SLCO6A1: variants seen among roughly 807,000 people sequenced by gnomAD.
SLCO6A1 encodes the protein solute carrier organic anion transporter family member 6A1.
A neutral mutation model predicts 72.7 loss-of-function variants in SLCO6A1; 65 were observed. The observed-to-expected ratio is 0.89, with a 90% confidence interval of 0.73 to 1.10. The LOEUF is 1.10. Ranked by LOEUF, SLCO6A1 falls within the 50% of genes least tolerant of loss-of-function variation. The pLI, the probability that SLCO6A1 is intolerant of heterozygous loss-of-function variation, is 0.00. For missense variants in SLCO6A1, 874 were observed against 872.6 expected (o/e 1.00, Z -0.02); for synonymous variants, 314 against 298.2 (o/e 1.05, Z -0.55).
intron 4 of SLCO6A1, among the ~76,000 whole-genome samples, chr5:102,471,693 C>A (rs138844385): frequency 6.6e-6 from 1 of 151,992 alleles, no homozygotes; most frequent in Admixed American, 6.6e-5. Context: ...AAACATTCAA[C>A]ATAGTTCTGG....
At chr5:102,496,792 C>T (rs1478649178) in intron 1 of SLCO6A1, among the ~76,000 whole-genome samples, 1 of 152,094 alleles carries the variant, frequency 6.6e-6, no homozygotes, top group Non-Finnish European at 1.5e-5. Flanking sequence ...CCTTATGGTG[C>T]CTAGATGAAA....
At chr5:102,467,708 G>A (rs1597771) in intron 4 of SLCO6A1, among the ~76,000 whole-genome samples, 98,365 of 151,898 alleles carry the variant, frequency 0.65, 32,049 homozygotes, top group African/African-American at 0.67. Flanking sequence ...AATTGAGCTT[G>A]TTTGAATCAC....
intron 1 of SLCO6A1, among the ~76,000 whole-genome samples, chr5:102,487,062 T>A (rs1195029203): frequency 1.3e-5 from 2 of 152,242 alleles, no homozygotes; most frequent in Non-Finnish European, 2.9e-5. Flanking sequence ...GCTATTATTT[T>A]AATTTTCATA....
At chr5:102,386,579 C>T (rs1230591657) in intron 12 of SLCO6A1, among the ~76,000 whole-genome samples, 1 of 152,038 alleles carries the variant, frequency 6.6e-6, no homozygotes, top group Admixed American at 6.6e-5. Context: ...GAAGTTGGGT[C>T]TGTGAGTATC....
intron 12 of SLCO6A1, among the ~76,000 whole-genome samples, chr5:102,379,069 C>T (rs1580318166): frequency 6.6e-6 from 1 of 152,192 alleles, no homozygotes. Context: ...GCATGAGCAA[C>T]TGCACCCAGT....
chr5:102,392,111 A>C (rs2112524554), intron 10 of SLCO6A1, among the ~76,000 whole-genome samples: 1 of 152,214 alleles, frequency 6.6e-6, no homozygotes, highest in South Asian at 2.1e-4. Flanking sequence ...TATTTCATCC[A>C]ACATGATTCT....
chr5:102,388,149 G>C (rs2112509041), intron 12 of SLCO6A1, among the ~76,000 whole-genome samples: 1 of 152,148 alleles, frequency 6.6e-6, no homozygotes, highest in Middle Eastern at 3.4e-3. Context: ...GGTAGAAAGG[G>C]TTACAAGGTC....
chr5:102,479,675 T>C (rs1018774070), intron 2 of SLCO6A1, among the ~76,000 whole-genome samples: 10 of 152,086 alleles, frequency 6.6e-5, no homozygotes, highest in Non-Finnish European at 1.2e-4. Flanking sequence ...TTTCAAATCA[T>C]GCAAAACCAT....
At chr5:102,486,150 A>C (rs943205623) in intron 1 of SLCO6A1, among the ~76,000 whole-genome samples, 1 of 152,200 alleles carries the variant, frequency 6.6e-6, no homozygotes, top group African/African-American at 2.4e-5. Flanking sequence ...ACTTAAGTTC[A>C]TTCAATTCAA....
intron 6 of SLCO6A1, among the ~76,000 whole-genome samples, chr5:102,446,192 C>T (rs1443441653): frequency 6.6e-6 from 1 of 152,138 alleles, no homozygotes; most frequent in Non-Finnish European, 1.5e-5. Flanking sequence ...ATTGATTCTT[C>T]CTATTCATGA....
At position 102,454,569 on chromosome 5, in the gene SLCO6A1, G is replaced by C. The variant is rs111371292; in HGVS notation, c.1131+3813C>G. Among the ~76,000 whole-genome samples the C allele has an allele frequency of 2.1e-3, 318 of 152,042 alleles. 3 individuals carry two copies. Among genetic ancestry groups the C allele is most frequent in the African/African-American group, 7.3e-3 (302 of 41,466 alleles). On this transcript the variant is annotated intron_variant, in intron 6 of 13. Transcript: ENST00000506729. ...AGATAGATGTTAGTCAGAAGTCTAA[G>C]ATTGTTACCAGGCATTATATGGTTT...
At chr5:102,430,341 T>C (rs893817121) in intron 7 of SLCO6A1, among the ~76,000 whole-genome samples, 2 of 152,148 alleles carry the variant, frequency 1.3e-5, no homozygotes, top group East Asian at 1.9e-4. Context: ...TAATATTATG[T>C]TGAATAGGAA....
At position 102,420,005 on chromosome 5, in the gene SLCO6A1, T is replaced by C. The variant is rs780715506; in HGVS notation, c.1293A>G (p.Pro431=). 6.4e-7 allele frequency: 1 copy of C among 1,571,518 alleles called. No homozygotes were observed. Among genetic ancestry groups the C allele is most frequent in the Non-Finnish European group, 8.6e-7 (1 of 1,167,410 alleles). Residue 431 remains proline (P), a synonymous_variant, in exon 8 of 14, where the codon CCA becomes CCG. Transcript: ENST00000506729. The part of the protein sequence containing the change: ...ATTLAGLVLI[P]GGALGQLLGG... ...CCAGAAGCTGGCCAAGTGCACCTCC[T>C]GGAATTAAAACAAGTCCTAAAAAAA... is the stretch of plus-strand genomic sequence containing the variant.
At chr5:102,434,349 C>T (rs553455442) in intron 7 of SLCO6A1, among the ~76,000 whole-genome samples, 9 of 152,214 alleles carry the variant, frequency 5.9e-5, no homozygotes, top group African/African-American at 1.7e-4. Context: ...AATTACTGCC[C>T]ACTATAAAAG....
intron 12 of SLCO6A1, among the ~76,000 whole-genome samples, chr5:102,374,472 T>G (rs1003562725): frequency 1.3e-5 from 2 of 152,114 alleles, no homozygotes; most frequent in African/African-American, 4.8e-5. Flanking sequence ...GCTAATTTTT[T>G]AGAAATGGGA....
At chr5:102,404,700 A>G (rs1747579359) in intron 9 of SLCO6A1, among the ~76,000 whole-genome samples, 1 of 152,170 alleles carries the variant, frequency 6.6e-6, no homozygotes. Flanking sequence ...TGGTATTACT[A>G]TAATGGATTT....
intron 1 of SLCO6A1, among the ~76,000 whole-genome samples, chr5:102,495,974 T>A (rs1752893155): frequency 6.6e-6 from 1 of 152,236 alleles, no homozygotes; most frequent in South Asian, 2.1e-4. Context: ...TAATGCAACA[T>A]ATGTTCCTGT....
At chr5:102,464,320 G>C (rs1284668347) in intron 4 of SLCO6A1, among the ~76,000 whole-genome samples, 1 of 152,128 alleles carries the variant, frequency 6.6e-6, no homozygotes, top group Admixed American at 6.5e-5. Context: ...TTTAAGGACA[G>C]ATTGGGAGAA....
intron 12 of SLCO6A1, among the ~76,000 whole-genome samples, chr5:102,386,926 AC>A (rs373869249): frequency 6.6e-6 from 1 of 152,272 alleles, no homozygotes; most frequent in Non-Finnish European, 1.5e-5. Flanking sequence ...GTTCTGCCAG[AC>A]TTTGGGGAAG....
Sources: gnomAD v4.1 joint callset for allele counts (sites outside exome capture counted in the v4.1 genomes callset) on GRCh38, gnomAD v4.1.1 for gene constraint, MANE v1.5 for transcripts, NCBI Gene and HGNC (gene_info 2026-07-23, HGNC 2026-07-21) for gene names.